GPR107: variants seen among roughly 807,000 people sequenced by gnomAD.
The protein encoded by GPR107 is protein GPR107.
GPR107 carries 31 observed loss-of-function variants against 75.5 expected under a neutral mutation model. The observed-to-expected ratio is 0.41, with a 90% confidence interval of 0.31 to 0.55. GPR107 has a LOEUF of 0.55. Among genes scored for constraint, GPR107 ranks in the 20% least tolerant of loss-of-function variants. The pLI is 0.26. For missense variants in GPR107, 572 were observed against 665.7 expected (o/e 0.86, Z 1.55); for synonymous variants, 267 against 251.3 (o/e 1.06, Z -0.59).
At chr9:130,054,562 G>C (rs113393871) in intron 1 of GPR107, among the ~76,000 whole-genome samples, 7 of 152,168 alleles carry the variant, frequency 4.6e-5, no homozygotes. Context: ...TCTAGAGAAG[G>C]AATTTCAAAT....
At position 130,135,622 on chromosome 9, in the gene GPR107, A is replaced by T. The variant is rs965574564; in HGVS notation, c.*501A>T. 2 of 127,772 alleles carry T rather than the reference A, an allele frequency of 1.6e-5. No individual in the cohort carries two copies. The highest frequency in any genetic ancestry group is 3.3e-5 in the Non-Finnish European group (2 of 61,110). The allele number at this position is 127,772 out of a possible 1,614,324, so 7.9% of individuals were successfully genotyped here. On this transcript the variant is annotated 3_prime_UTR_variant, in exon 18 of 18. Coordinates refer to ENST00000347136, the MANE Select transcript of GPR107 (RefSeq NM_020960.5). ...TTGGGAGACAAAAATGAACGAAAACAGGTGACTTTGGAAAGCAAAGTCAAA... is the reference window on the plus strand; with the variant it reads ...TTGGGAGACAAAAATGAACGAAAACTGGTGACTTTGGAAAGCAAAGTCAAA...
intron 12 of GPR107, among the ~76,000 whole-genome samples, 162 bp from the exon 13 acceptor site, chr9:130,104,258 T>G (rs965089560): frequency 1.3e-5 from 2 of 152,124 alleles, no homozygotes; most frequent in Non-Finnish European, 2.9e-5. Flanking sequence ...CTCTCCTTGA[T>G]AGCGGAGTGG....
chr9:130,092,174 A>G lies in GPR107; in HGVS notation c.730-74A>G, dbSNP rs1434072583. ...TACTTTCTTAAGCTTAAGTGAAACA[A>G]CTGAGATTCCAAATTGCTGAATAAG... On this transcript the variant is annotated intron_variant, in intron 8 of 17. Transcript: ENST00000347136. The G allele has an allele frequency of 3.8e-6, 5 of 1,314,248 alleles. No individual in the cohort carries two copies. In the African/African-American group the frequency reaches 7.3e-5, roughly 19 times the overall value. The allele number at this position is 1,314,248 out of a possible 1,614,324, so 81.4% of individuals were successfully genotyped here. A position where few individuals can be genotyped will look rare whatever the true frequency, so the allele number is the denominator to read the frequency against.
intron 1 of GPR107, among the ~76,000 whole-genome samples, chr9:130,074,655 T>G (rs1398642735): frequency 6.6e-6 from 1 of 152,106 alleles, no homozygotes; most frequent in Admixed American, 6.6e-5. Context: ...TCCAAAAGAC[T>G]CTGTCTCCAT....
intron 10 of GPR107, 104 bp from the exon 11 acceptor site, chr9:130,100,525 A>G: frequency 1.2e-6 from 1 of 869,502 alleles, no homozygotes; most frequent in Non-Finnish European, 1.9e-6. Context: ...GCGTCACCAA[A>G]TGACAATGAT....
At chr9:130,090,823 T>A in intron 7 of GPR107, 53 bp from the exon 8 acceptor site, 1 of 643,664 alleles carries the variant, frequency 1.6e-6, no homozygotes, top group Non-Finnish European at 2.7e-6. Context: ...AAAGAAAAAA[T>A]ATATATCGCT....
At chr9:130,094,987 G>GTT (rs112219857) in intron 9 of GPR107, among the ~76,000 whole-genome samples, 1 of 151,086 alleles carries the variant, frequency 6.6e-6, no homozygotes, top group African/African-American at 2.4e-5. Context: ...GGCCTCTGTT[G>GTT]TTTTTTTTTA....
Position 130,100,645 on chromosome 9 carries a change from T to C in GPR107, c.956T>C (p.Ile319Thr). ...TGATTTCAGATTGACTACCACTACA[T>C]CTCCTCCCAGGGCTTCCCTATCGAA... ...LVFHAIDYHY[I>T]SSQGFPIEGW... The change falls in exon 11 of 18, where the codon ATC becomes ACC. Residue 319 changes from isoleucine (I) to threonine (T), a missense_variant. Ile to Thr is a moderately conservative substitution (Grantham distance 89). Transcript: ENST00000347136. 6.2e-7 allele frequency: 1 copy of C among 1,612,416 alleles called. No homozygotes were observed. The highest frequency in any genetic ancestry group is 2.2e-5 in the East Asian group (1 of 44,878).
chr9:130,139,671 G>A lies in GPR107; in HGVS notation c.*4550G>A, dbSNP rs1244368732. On this transcript the variant is annotated 3_prime_UTR_variant, in exon 18 of 18. Transcript: ENST00000347136. ...TGGGACGGCGTTCTGGGCAGAGTCA[G>A]AATGGTCAGAATGAAACAGAACAGC... 1 of 152,190 alleles carries A rather than the reference G, an allele frequency of 6.6e-6. No homozygotes were observed. The highest frequency in any genetic ancestry group is 1.5e-5 in the Non-Finnish European group (1 of 68,064). 9.4% of individuals were successfully genotyped at this position (152,190 alleles called of 1,614,324 possible).
At chr9:130,071,311 G>A (rs2132553124) in intron 1 of GPR107, among the ~76,000 whole-genome samples, 1 of 151,746 alleles carries the variant, frequency 6.6e-6, no homozygotes, top group African/African-American at 2.4e-5. Flanking sequence ...ATAGGCGAGA[G>A]CCACCTCGCC....
chr9:130,130,738 C>T (rs1001055354), intron 17 of GPR107, among the ~76,000 whole-genome samples: 18 of 152,142 alleles, frequency 1.2e-4, no homozygotes, highest in African/African-American at 4.1e-4. Flanking sequence ...GGCGTGGTGG[C>T]AGGCACCTGT....
chr9:130,066,024 T>C (rs1157905330), intron 1 of GPR107, among the ~76,000 whole-genome samples: 2 of 151,978 alleles, frequency 1.3e-5, no homozygotes. Flanking sequence ...AGGATTTTCC[T>C]GGCCGGGCTT....
chr9:130,121,181 TCAAAACAAAACAAAA>T (rs77505902), intron 14 of GPR107, among the ~76,000 whole-genome samples: 102 of 140,880 alleles, frequency 7.2e-4, no homozygotes, highest in African/African-American at 2.2e-3. Flanking sequence ...AGACCCTATC[TCAAAACAAAACAAAA>T]CAAAACAAAA....
At chr9:130,130,310 C>T (rs1344890983) in intron 17 of GPR107, among the ~76,000 whole-genome samples, 2 of 152,204 alleles carry the variant, frequency 1.3e-5, no homozygotes, top group African/African-American at 4.8e-5. Flanking sequence ...TGGGTATCCT[C>T]AATGATCTGA....
At chr9:130,079,879 A>G (rs1451849889) in intron 5 of GPR107, 110 bp downstream of exon 5, 2 of 599,880 alleles carry the variant, frequency 3.3e-6, no homozygotes, top group East Asian at 3.3e-5. Context: ...TCTTAGCATT[A>G]TATTTTGGAA....
At chr9:130,075,442 C>T (rs1053544136) in intron 1 of GPR107, among the ~76,000 whole-genome samples, 194 bp from the exon 2 acceptor site, 6 of 151,930 alleles carry the variant, frequency 3.9e-5, no homozygotes, top group Non-Finnish European at 7.4e-5. Context: ...GACAGGGTTT[C>T]GCCATGTTGG....
chr9:130,123,808 T>G (rs567144391), intron 14 of GPR107, among the ~76,000 whole-genome samples: 46 of 152,240 alleles, frequency 3.0e-4, no homozygotes, highest in South Asian at 2.9e-3. Flanking sequence ...AAGATTTAAT[T>G]TTTTCAAAAT....
chr9:130,079,183 G>A (rs568205228), intron 4 of GPR107, among the ~76,000 whole-genome samples: 235 of 152,236 alleles, frequency 1.5e-3, no homozygotes, highest in Admixed American at 5.4e-3. Flanking sequence ...GGCTGTTCCT[G>A]AATTCCTGAC....
At chr9:130,111,359 C>T (rs1339796758) in intron 14 of GPR107, among the ~76,000 whole-genome samples, 1 of 152,040 alleles carries the variant, frequency 6.6e-6, no homozygotes, top group East Asian at 2.0e-4. Context: ...GGCAAAACCC[C>T]ACCTCTAGAA....
Sources: allele counts gnomAD v4.1 joint callset (sites outside exome capture counted in the v4.1 genomes callset), GRCh38; gene constraint gnomAD v4.1.1; transcripts MANE v1.5; gene names NCBI Gene and HGNC (gene_info 2026-07-23, HGNC 2026-07-21).